Variants in WWOX observed in about 807,000 individuals in gnomAD.
WWOX encodes the protein WW domain-containing oxidoreductase.
Under a neutral mutation model 46.2 loss-of-function variants are expected in WWOX, and 69 were observed. That is an observed-to-expected ratio of 1.49 (90% CI 1.23 to 1.82). The LOEUF (loss-of-function observed/expected upper bound fraction) is 1.82. Among genes scored for constraint, WWOX ranks in the 40% most tolerant of loss-of-function variants. The pLI is 0.00. For synonymous variants in WWOX, 359 were observed against 202.6 expected, an observed-to-expected ratio of 1.77 and a Z score of -6.56; for missense variants, 919 against 542.6, an observed-to-expected ratio of 1.69 and a Z score of -6.89.
intron 8 of WWOX, among the ~76,000 whole-genome samples, chr16:79,023,886 G>T (rs1243220576): frequency 6.6e-6 from 1 of 152,204 alleles, no homozygotes; most frequent in African/African-American, 2.4e-5. Context: ...AAGTCAGGAG[G>T]CAGAGGTTGC....
At chr16:78,875,568 C>G (rs963821692) in intron 8 of WWOX, among the ~76,000 whole-genome samples, 1 of 152,150 alleles carries the variant, frequency 6.6e-6, no homozygotes, top group African/African-American at 2.4e-5. Context: ...TTCACTTTGC[C>G]TCTCTTCCCG....
At chr16:78,211,477 G>A (rs1228620745) in intron 5 of WWOX, among the ~76,000 whole-genome samples, 1 of 152,122 alleles carries the variant, frequency 6.6e-6, no homozygotes, top group African/African-American at 2.4e-5. Flanking sequence ...GCAAGAGAGA[G>A]CGATCACACC....
At chr16:78,877,076 C>T (rs573575863) in intron 8 of WWOX, among the ~76,000 whole-genome samples, 1 of 152,268 alleles carries the variant, frequency 6.6e-6, no homozygotes, top group Admixed American at 6.5e-5. Flanking sequence ...TCCTTACAAG[C>T]CCTGCCAGGT....
intron 8 of WWOX, among the ~76,000 whole-genome samples, chr16:78,938,830 C>G (rs1333328734): frequency 3.9e-5 from 6 of 152,126 alleles, no homozygotes; most frequent in African/African-American, 1.4e-4. Context: ...AGTCTAATTT[C>G]AGGAAAGTCA....
At chr16:78,637,523 A>T (rs565900928) in intron 8 of WWOX, among the ~76,000 whole-genome samples, 1 of 152,102 alleles carries the variant, frequency 6.6e-6, no homozygotes, top group Non-Finnish European at 1.5e-5. Flanking sequence ...ACAGTGATGT[A>T]ACTCATCAGT....
intron 8 of WWOX, among the ~76,000 whole-genome samples, chr16:78,478,744 A>G (rs959027655): frequency 6.6e-6 from 1 of 152,216 alleles, no homozygotes; most frequent in African/African-American, 2.4e-5. Flanking sequence ...ATATGCATAC[A>G]GTATGTGCTC....
chr16:78,912,900 A>G lies in WWOX; in HGVS notation c.1057-298708A>G, dbSNP rs77836662. On this transcript the variant is annotated intron_variant, in intron 8 of 8. Coordinates refer to ENST00000566780, the MANE Select transcript of WWOX (RefSeq NM_016373.4). ...AAACACCATCAGCTTGGAAAACACT[A>G]TCCATTAGCAAGAGATCAGAGCAAG... Among the ~76,000 whole-genome samples the G allele has an allele frequency of 0.024, 3,664 of 152,034 alleles. 237 individuals are homozygous for G. In the East Asian group the frequency reaches 0.24, roughly 10 times the overall value.
chr16:78,529,800 C>T (rs955820096), intron 8 of WWOX, among the ~76,000 whole-genome samples: 4 of 152,094 alleles, frequency 2.6e-5, no homozygotes, highest in African/African-American at 9.7e-5. Flanking sequence ...CTATTAAATA[C>T]CTAGGATTAT....
Position 79,164,244 on chromosome 16 carries a change from C to T in WWOX, c.1057-47364C>T, listed in dbSNP as rs2050546940. 3.9e-5 allele frequency among the ~76,000 whole-genome samples: 6 copies of T among 152,180 alleles called. No homozygotes were observed. The South Asian group carries it at 1.2e-3, about 32-fold the overall frequency. On this transcript the variant is annotated intron_variant, in intron 8 of 8. Transcript: ENST00000566780. ...GAGGCTTGCCAGTGTCTGGATGCCC[C>T]ACCACTACCACGCCACTTAGCTCAG...
intron 8 of WWOX, among the ~76,000 whole-genome samples, chr16:78,913,232 A>C (rs2045157574): frequency 6.6e-6 from 1 of 151,952 alleles, no homozygotes; most frequent in South Asian, 2.1e-4. Flanking sequence ...TTCTCGTTAC[A>C]AGTTTGCCTA....
chr16:78,366,114 A>G (rs2081530519), intron 5 of WWOX, among the ~76,000 whole-genome samples: 1 of 152,178 alleles, frequency 6.6e-6, no homozygotes, highest in African/African-American at 2.4e-5. Context: ...TACTTGGGAA[A>G]TGTCTAGAAA....
At chr16:78,569,621 A>C (rs143572920) in intron 8 of WWOX, among the ~76,000 whole-genome samples, 37 of 152,338 alleles carry the variant, frequency 2.4e-4, no homozygotes, top group Non-Finnish European at 4.4e-4. Context: ...ACTTCTCAAT[A>C]CTACACTGAT....
At chr16:79,152,274 T>G (rs1011254689) in intron 8 of WWOX, among the ~76,000 whole-genome samples, 1 of 152,156 alleles carries the variant, frequency 6.6e-6, no homozygotes, top group African/African-American at 2.4e-5. Context: ...ACAGGCTGGC[T>G]GGACCATGCG....
At chr16:78,451,503 G>A (rs1214983120) in intron 8 of WWOX, among the ~76,000 whole-genome samples, 5 of 152,190 alleles carry the variant, frequency 3.3e-5, no homozygotes, top group African/African-American at 1.2e-4. Context: ...GGATTTTGAA[G>A]TTGAAGAAAC....
At chr16:78,930,815 C>G (rs1011064261) in intron 8 of WWOX, among the ~76,000 whole-genome samples, 1 of 152,104 alleles carries the variant, frequency 6.6e-6, no homozygotes, top group African/African-American at 2.4e-5. Flanking sequence ...TGAGTACCCG[C>G]TGTTCATAGG....
intron 8 of WWOX, among the ~76,000 whole-genome samples, chr16:78,690,455 GATGGGAGGA>G (rs2047959192): frequency 6.6e-6 from 1 of 152,170 alleles, no homozygotes; most frequent in Admixed American, 6.5e-5. Flanking sequence ...AGGAAGCTGA[GATGGGAGGA>G]TTGCTTGGGC....
At chr16:78,488,009 G>C (rs561918388) in intron 8 of WWOX, among the ~76,000 whole-genome samples, 1 of 152,288 alleles carries the variant, frequency 6.6e-6, no homozygotes, top group South Asian at 2.1e-4. Flanking sequence ...CAGAAATGGG[G>C]CTTCTAAAAT....
At chr16:78,250,763 C>T (rs1221028397) in intron 5 of WWOX, among the ~76,000 whole-genome samples, 2 of 152,064 alleles carry the variant, frequency 1.3e-5, no homozygotes, top group African/African-American at 2.4e-5. Flanking sequence ...TATCCACCTC[C>T]CTACAGTCCA....
intron 5 of WWOX, chr16:78,278,669 A>C: frequency 6.2e-7 from 1 of 1,605,474 alleles, no homozygotes; most frequent in Non-Finnish European, 8.5e-7. Flanking sequence ...AAAGAAGGAA[A>C]AAATAAAAGA....
Sources: gnomAD v4.1 joint callset for allele counts (sites outside exome capture counted in the v4.1 genomes callset) on GRCh38, gnomAD v4.1.1 for gene constraint, MANE v1.5 for transcripts, NCBI Gene and HGNC (gene_info 2026-07-23, HGNC 2026-07-21) for gene names.